Variants in ABCD3 observed in about 807,000 individuals in gnomAD.
ABCD3 encodes ATP-binding cassette sub-family D member 3.
A neutral mutation model predicts 105.5 loss-of-function variants in ABCD3; 41 were observed. That is an observed-to-expected ratio of 0.39 (90% CI 0.30 to 0.50). The LOEUF (loss-of-function observed/expected upper bound fraction) is 0.50. ABCD3 is among the 20% of genes least tolerant of loss of function. ABCD3 has a pLI of 0.84. For synonymous variants in ABCD3, 258 were observed against 269.0 expected (o/e 0.96, Z 0.40); for missense variants, 622 against 806.3 (o/e 0.77, Z 2.77).
At chr1:94,409,689 G>A in the ABCD3 span, among the ~76,000 whole-genome samples, 600 of 152,208 alleles carry the variant, frequency 3.9e-3, 21 homozygotes, top group Admixed American at 0.034. Flanking sequence ...TCATTGTGGC[G>A]TTTCTGACAC....
chr1:94,450,673 C>G (rs1330732911), intron 1 of ABCD3, among the ~76,000 whole-genome samples: 2 of 152,206 alleles, frequency 1.3e-5, no homozygotes, highest in African/African-American at 4.8e-5. Context: ...GCTCTCAGCT[C>G]TGAAGGCTGT....
chr1:94,438,301 T>TACACACACACACACACACAC (rs58959540), intron 1 of ABCD3, among the ~76,000 whole-genome samples: 1 of 128,202 alleles, frequency 7.8e-6, no homozygotes, highest in Non-Finnish European at 1.7e-5. Context: ...CACACACACA[T>TACACACACACACACACACAC]ACACACACAC....
intron 7 of ABCD3, among the ~76,000 whole-genome samples, chr1:94,476,099 A>T (rs1648726931): frequency 6.6e-6 from 1 of 152,174 alleles, no homozygotes; most frequent in Non-Finnish European, 1.5e-5. Flanking sequence ...ATAACACTAG[A>T]CTAGGACTTC....
chr1:94,517,054 C>CTGCCA lies in ABCD3; in HGVS notation c.1906_1907insGCCAT (p.Tyr636CysfsTer17). 6.2e-7 allele frequency: 1 copy of CTGCCA among 1,606,840 alleles called. No individual in the cohort carries two copies. The highest frequency in any genetic ancestry group is 8.5e-7 in the Non-Finnish European group (1 of 1,174,010). On this transcript the variant is annotated frameshift_variant, in exon 23 of 23. Coordinates refer to ENST00000370214, the MANE Select transcript of ABCD3 (RefSeq NM_002858.4). LOFTEE classifies it high-confidence loss of function. Reference sequence around the variant, plus strand: ...TTTTTCCCCCTTCTTTCCCATAGTACTACCTGCATATGGATGGCAGAGGCA... The same window carrying CTGCCA: ...TTTTTCCCCCTTCTTTCCCATAGTACTGCCATACCTGCATATGGATGGCAGAGGCA...
chr1:94,454,004 A>T (rs1184579131), intron 1 of ABCD3, among the ~76,000 whole-genome samples: 1 of 150,824 alleles, frequency 6.6e-6, no homozygotes, highest in African/African-American at 2.4e-5. Flanking sequence ...ATTCCACAGG[A>T]TATATATTTT....
chr1:94,484,574 G>A (rs1649191067), intron 10 of ABCD3, among the ~76,000 whole-genome samples: 1 of 152,170 alleles, frequency 6.6e-6, no homozygotes, highest in African/African-American at 2.4e-5. Context: ...CTCATAGGTG[G>A]GAATTGAACA....
intron 21 of ABCD3, among the ~76,000 whole-genome samples, chr1:94,509,774 G>A (rs1211445675): frequency 1.1e-4 from 16 of 152,108 alleles, no homozygotes; most frequent in East Asian, 7.7e-4. Flanking sequence ...GTTTATTTGC[G>A]TAGAGGTGTT....
intron 21 of ABCD3, among the ~76,000 whole-genome samples, chr1:94,512,575 GT>G (rs897947925): frequency 1.3e-5 from 2 of 151,794 alleles, no homozygotes; most frequent in African/African-American, 2.4e-5. Context: ...AAACATTAGA[GT>G]TTTTTTATGA....
At chr1:94,402,252 A>T in the ABCD3 span, among the ~76,000 whole-genome samples, 1 of 152,140 alleles carries the variant, frequency 6.6e-6, no homozygotes. Flanking sequence ...GGCTGTTATG[A>T]GTGTTCTTTA....
intron 1 of ABCD3, among the ~76,000 whole-genome samples, chr1:94,446,775 T>A (rs1049613874): frequency 6.6e-6 from 1 of 152,196 alleles, no homozygotes; most frequent in Non-Finnish European, 1.5e-5. Flanking sequence ...TTTAACATAG[T>A]TGGAGTTGGT....
chr1:94,421,688 A>G (rs1659264639), intron 1 of ABCD3, among the ~76,000 whole-genome samples: 2 of 152,122 alleles, frequency 1.3e-5, no homozygotes, highest in Admixed American at 6.5e-5. Context: ...GTACAGATAG[A>G]CATGTCTTAG....
At chr1:94,458,672 G>T in intron 2 of ABCD3, 29 bp downstream of exon 2, 1 of 1,593,380 alleles carries the variant, frequency 6.3e-7, no homozygotes. Flanking sequence ...TTCTTTTTGG[G>T]ATTTCATGCA....
intron 21 of ABCD3, chr1:94,513,614 C>T (rs1435119623): frequency 6.6e-6 from 1 of 151,928 alleles, no homozygotes; most frequent in Non-Finnish European, 1.5e-5. Flanking sequence ...CCTATGATAC[C>T]GTTTAGATGA....
At chr1:94,390,329 C>T in the ABCD3 span, among the ~76,000 whole-genome samples, 1 of 151,878 alleles carries the variant, frequency 6.6e-6, no homozygotes, top group African/African-American at 2.4e-5. Context: ...GTGAGACAGA[C>T]TCTCGTTCTG....
At chr1:94,426,741 C>T (rs753616352) in intron 1 of ABCD3, among the ~76,000 whole-genome samples, 16 of 151,738 alleles carry the variant, frequency 1.1e-4, no homozygotes, top group Non-Finnish European at 1.8e-4. Flanking sequence ...AATGGGGTTT[C>T]GCCATGTTGG....
intron 6 of ABCD3, 101 bp downstream of exon 6, chr1:94,475,341 A>C: frequency 1.1e-6 from 1 of 902,688 alleles, no homozygotes; most frequent in Non-Finnish European, 1.7e-6. Flanking sequence ...ATGTTTTCTA[A>C]GAAAACCACT....
chr1:94,478,140 T>C, intron 7 of ABCD3, 119 bp from the exon 8 acceptor site: 1 of 677,814 alleles, frequency 1.5e-6, no homozygotes, highest in Non-Finnish European at 2.6e-6. Flanking sequence ...TAGTGGGACC[T>C]CTACATGTTG....
At position 94,418,551 on chromosome 1, in the gene ABCD3, C is replaced by G. The variant is rs1228582137; in HGVS notation, c.73C>G (p.Leu25Val). The G allele has an allele frequency of 1.2e-6, 2 of 1,604,564 alleles. No homozygotes were observed. Among genetic ancestry groups the G allele is most frequent in the African/African-American group, 2.7e-5 (2 of 74,860 alleles). Residue 25 changes from leucine to valine, a missense_variant, in exon 1 of 23, where the codon CTG becomes GTG. By Grantham distance (32) the Leu-to-Val change is conservative. Transcript: ENST00000370214. ...LAGAAFLLLC[L>V]LHKRRRALGL... is the part of the protein sequence containing the mutation. Reference sequence around the variant, plus strand: ...TGGTGCCGCGTTCCTGCTGCTCTGCCTGCTCCACAAGCGGCGCCGCGCCCT... The same window carrying G: ...TGGTGCCGCGTTCCTGCTGCTCTGCGTGCTCCACAAGCGGCGCCGCGCCCT...
the ABCD3 span, among the ~76,000 whole-genome samples, chr1:94,388,658 G>A: frequency 0.66 from 100,471 of 151,902 alleles, 33,499 homozygotes; most frequent in Middle Eastern, 0.82. Context: ...TTCAGATCAC[G>A]TGGCCACAGA....
Sources: gnomAD v4.1 joint callset for allele counts (sites outside exome capture counted in the v4.1 genomes callset) on GRCh38, gnomAD v4.1.1 for gene constraint, MANE v1.5 for transcripts, NCBI Gene and HGNC (gene_info 2026-07-23, HGNC 2026-07-21) for gene names.